Variants in PCDH9 observed in about 807,000 individuals in gnomAD.
PCDH9 encodes protocadherin-9.
Under a neutral mutation model 70.6 loss-of-function variants are expected in PCDH9, and 24 were observed. The observed-to-expected ratio is 0.34, with a 90% CI of 0.25 to 0.48. The LOEUF (loss-of-function observed/expected upper bound fraction) is 0.48, where lower values mean the gene tolerates loss of function less well. Among genes scored for constraint, PCDH9 ranks in the 20% least tolerant of loss-of-function variants. The pLI is 0.99. For missense variants in PCDH9, 1,281 were observed against 1,503.6 expected (o/e 0.85, Z 2.45); for synonymous variants, 562 against 558.5 (o/e 1.01, Z -0.09).
intron 2 of PCDH9, among the ~76,000 whole-genome samples, chr13:67,174,710 A>G (rs10507742): frequency 0.034 from 5,179 of 152,238 alleles, 243 homozygotes; most frequent in Admixed American, 0.14. Context: ...CTTTTGTGTC[A>G]GGAAAAAGAC....
At chr13:66,680,054 C>G (rs2078297469) in intron 3 of PCDH9, among the ~76,000 whole-genome samples, 1 of 151,810 alleles carries the variant, frequency 6.6e-6, no homozygotes, top group African/African-American at 2.4e-5. Context: ...TTTAAGAGTT[C>G]AGATTCCTAA....
rs201213158 is a variant in PCDH9 at position 67,152,685 on chromosome 13, CT to C, written c.3036+72719del. 2.4e-4 allele frequency among the ~76,000 whole-genome samples: 37 copies of C among 151,978 alleles called. No homozygotes were observed. In the East Asian group the frequency reaches 5.4e-3, roughly 22 times the overall value. On this transcript the variant is annotated intron_variant, in intron 2 of 4. Transcript: ENST00000377865. ...TATTCTTTAAACAAAATAGCCCCCA[CT>C]TTTTTTTCCAAGTGAGGGAAAAAGA...
At chr13:66,439,383 G>A (rs1429575828) in intron 4 of PCDH9, among the ~76,000 whole-genome samples, 1 of 151,988 alleles carries the variant, frequency 6.6e-6, no homozygotes, top group Non-Finnish European at 1.5e-5. Context: ...AGATTTTAAC[G>A]GTTAAGAATA....
intron 2 of PCDH9, among the ~76,000 whole-genome samples, chr13:66,916,739 A>G (rs973877180): frequency 2.0e-5 from 3 of 151,532 alleles, no homozygotes; most frequent in Non-Finnish European, 3.0e-5. Flanking sequence ...GCCATTGTAC[A>G]TATCTTTTCA....
intron 3 of PCDH9, among the ~76,000 whole-genome samples, chr13:66,845,321 C>T (rs949420308): frequency 6.6e-6 from 1 of 152,238 alleles, no homozygotes; most frequent in Admixed American, 6.5e-5. Context: ...CAGCAGGGAG[C>T]TGGCATCTCA....
Position 66,673,443 on chromosome 13 carries a change from T to C in PCDH9, c.3139-42032A>G, listed in dbSNP as rs151011210. 3.3e-3 allele frequency among the ~76,000 whole-genome samples: 496 copies of C among 152,250 alleles called. 1 individual carries two copies. Among genetic ancestry groups the C allele is most frequent in the African/African-American group, 0.011 (473 of 41,542 alleles). On this transcript the variant is annotated intron_variant, in intron 3 of 4. Coordinates refer to ENST00000377865, the MANE Select transcript of PCDH9 (RefSeq NM_203487.3). ...CAGTCTTGGATATTTCTTCATAGCATTATGAAAGTGGACTAATACATTGGG... is the reference window on the plus strand; with the variant it reads ...CAGTCTTGGATATTTCTTCATAGCACTATGAAAGTGGACTAATACATTGGG...
intron 4 of PCDH9, among the ~76,000 whole-genome samples, chr13:66,317,228 G>A (rs917195184): frequency 2.0e-5 from 3 of 152,020 alleles, no homozygotes; most frequent in Non-Finnish European, 4.4e-5. Context: ...GAAAAAAAAA[G>A]TTAGCACTGA....
intron 3 of PCDH9, among the ~76,000 whole-genome samples, chr13:66,752,074 T>A (rs1039289265): frequency 3.3e-5 from 5 of 151,982 alleles, no homozygotes; most frequent in Admixed American, 2.0e-4. Context: ...AAGGGGTCAA[T>A]CAATCAAATA....
At chr13:66,779,873 A>ATATATATGTGTG (rs375882917) in intron 3 of PCDH9, among the ~76,000 whole-genome samples, 96 of 115,678 alleles carry the variant, frequency 8.3e-4, no homozygotes, top group Middle Eastern at 4.6e-3. Flanking sequence ...ATATACATAT[A>ATATATATGTGTG]TGTGTGTGTG....
chr13:66,666,317 G>C (rs893032550), intron 3 of PCDH9, among the ~76,000 whole-genome samples: 1 of 152,190 alleles, frequency 6.6e-6, no homozygotes, highest in African/African-American at 2.4e-5. Context: ...AAGTCCTGGT[G>C]CCCGGGCCAG....
chr13:66,805,313 A>G (rs1006784787), intron 3 of PCDH9, among the ~76,000 whole-genome samples: 11 of 152,210 alleles, frequency 7.2e-5, no homozygotes, highest in African/African-American at 2.7e-4. Flanking sequence ...CTAATTCTGC[A>G]GTCAAACGTA....
intron 3 of PCDH9, among the ~76,000 whole-genome samples, chr13:66,688,770 T>G (rs112455858): frequency 6.6e-6 from 1 of 152,154 alleles, no homozygotes; most frequent in East Asian, 1.9e-4. Context: ...ATATAGCACT[T>G]GCATATTTTC....
intron 3 of PCDH9, among the ~76,000 whole-genome samples, chr13:66,736,432 A>G (rs1369246984): frequency 6.6e-6 from 1 of 152,214 alleles, no homozygotes; most frequent in African/African-American, 2.4e-5. Flanking sequence ...AGGCCAGCCA[A>G]GGAGAGAGAC....
intron 4 of PCDH9, among the ~76,000 whole-genome samples, chr13:66,461,857 T>C (rs1248729965): frequency 6.6e-6 from 1 of 151,862 alleles, no homozygotes; most frequent in Non-Finnish European, 1.5e-5. Context: ...AAAATGACTA[T>C]ATTGGATTAT....
intron 4 of PCDH9, among the ~76,000 whole-genome samples, chr13:66,626,730 G>A (rs1281210161): frequency 1.1e-5 from 1 of 93,024 alleles, no homozygotes; most frequent in Non-Finnish European, 2.4e-5. Flanking sequence ...AGTAGAGACT[G>A]CTTTAGATTT....
intron 2 of PCDH9, among the ~76,000 whole-genome samples, chr13:66,968,117 T>C (rs1323426084): frequency 6.6e-6 from 1 of 152,116 alleles, no homozygotes; most frequent in Non-Finnish European, 1.5e-5. Context: ...ATCTTATGTT[T>C]TGTCAGATAA....
At chr13:66,838,791 A>G (rs1177385374) in intron 3 of PCDH9, among the ~76,000 whole-genome samples, 1 of 152,100 alleles carries the variant, frequency 6.6e-6, no homozygotes, top group East Asian at 1.9e-4. Context: ...AATTATTTAG[A>G]GCAACTCATT....
intron 4 of PCDH9, among the ~76,000 whole-genome samples, chr13:66,567,223 G>T (rs2076665851): frequency 6.6e-6 from 1 of 152,104 alleles, no homozygotes; most frequent in Non-Finnish European, 1.5e-5. Flanking sequence ...GGATATAATA[G>T]AATCTACCTA....
chr13:67,199,474 T>C (rs936353407), intron 2 of PCDH9, among the ~76,000 whole-genome samples: 7 of 151,932 alleles, frequency 4.6e-5, no homozygotes, highest in African/African-American at 1.4e-4. Flanking sequence ...GCAAAATACA[T>C]CTTTGAAGTG....
Sources: allele counts gnomAD v4.1 joint callset (sites outside exome capture counted in the v4.1 genomes callset), GRCh38; gene constraint gnomAD v4.1.1; transcripts MANE v1.5; gene names NCBI Gene and HGNC (gene_info 2026-07-23, HGNC 2026-07-21).